Variants in KATNIP observed in about 807,000 individuals in gnomAD.
KATNIP encodes the protein katanin interacting protein.
Under a neutral mutation model 174.0 loss-of-function variants are expected in KATNIP, and 126 were observed. The observed-to-expected ratio is 0.72, with a 90% CI of 0.63 to 0.84. The LOEUF (loss-of-function observed/expected upper bound fraction) is 0.84, where lower values mean the gene tolerates loss of function less well. Ranked by LOEUF, KATNIP falls within the 40% of genes least tolerant of loss-of-function variation. The probability of loss-of-function intolerance (pLI) is 0.00; values close to 1 mark genes in which losing one functional copy is unlikely to be tolerated. For synonymous variants in KATNIP, 810 were observed against 835.7 expected, an observed-to-expected ratio of 0.97 and a Z score of 0.53; for missense variants, 1,958 against 2,109.7, an observed-to-expected ratio of 0.93 and a Z score of 1.41.
intron 1 of KATNIP, among the ~76,000 whole-genome samples, chr16:27,563,003 T>C (rs2089950178): frequency 6.6e-6 from 1 of 152,186 alleles, no homozygotes; most frequent in Non-Finnish European, 1.5e-5. Context: ...AGAAATTCGG[T>C]CATTTACTCG....
In KATNIP at chr16:27,704,138, GCA is replaced by G; in HGVS notation, c.1389+145_1389+146del. The G allele has an allele frequency of 6.0e-6, 4 of 662,158 alleles. No homozygotes were observed. The South Asian group carries it at 7.3e-5, about 12-fold the overall frequency. 41.0% of individuals were successfully genotyped at this position (662,158 alleles called of 1,614,324 possible). A position where few individuals can be genotyped will look rare whatever the true frequency, so the allele number is the denominator to read the frequency against. On this transcript the variant is annotated intron_variant, in intron 12 of 27. Coordinates refer to ENST00000261588, the MANE Select transcript of KATNIP (RefSeq NM_015202.5). ...GTTTCCACCGCCCCCCCCCTCCCTG[GCA>G]CACAGAGGTATATATGATGAAGAGC...
intron 5 of KATNIP, among the ~76,000 whole-genome samples, chr16:27,640,385 G>C (rs1048017654): frequency 6.6e-6 from 1 of 152,180 alleles, no homozygotes; most frequent in East Asian, 1.9e-4. Context: ...AGCCATGCAC[G>C]GCCTGGGGGG....
At chr16:27,679,016 T>C (rs2078227299) in intron 7 of KATNIP, 1 of 152,234 alleles carries the variant, frequency 6.6e-6, no homozygotes, top group Non-Finnish European at 1.5e-5. Context: ...CTGTATCCTA[T>C]TCATGTGCAC....
In KATNIP at chr16:27,778,846, TG is replaced by T; in HGVS notation, c.*220del. ...AGGGCAAAGAGATCCCCTGCAGTTC[TG>T]GGTTGGCCACAGGGAGCCCAGGACA... On this transcript the variant is annotated 3_prime_UTR_variant, in exon 28 of 28. Coordinates refer to ENST00000261588, the MANE Select transcript of KATNIP (RefSeq NM_015202.5). The T allele has an allele frequency of 2.0e-6, 1 of 497,168 alleles. No individual in the cohort carries two copies. Among genetic ancestry groups the T allele is most frequent in the Non-Finnish European group, 3.5e-6 (1 of 284,078 alleles). The allele number at this position is 497,168 out of a possible 1,614,324, so 30.8% of individuals were successfully genotyped here.
At chr16:27,552,019 A>C (rs982707466) in intron 1 of KATNIP, among the ~76,000 whole-genome samples, 3 of 152,222 alleles carry the variant, frequency 2.0e-5, no homozygotes, top group African/African-American at 7.2e-5. Context: ...CCTGGGCAAC[A>C]TAGCTAGACC....
intron 2 of KATNIP, among the ~76,000 whole-genome samples, chr16:27,608,201 T>C (rs1461344964): frequency 1.3e-5 from 2 of 151,784 alleles, no homozygotes; most frequent in Non-Finnish European, 2.9e-5. Context: ...TAGAGAAAAT[T>C]AATAACATGG....
chr16:27,551,983 G>A (rs991303288), intron 1 of KATNIP, among the ~76,000 whole-genome samples: 3 of 151,008 alleles, frequency 2.0e-5, no homozygotes, highest in African/African-American at 7.3e-5. Flanking sequence ...TGGGTGGATT[G>A]CTTGAGCTCA....
intron 23 of KATNIP, 50 bp downstream of exon 23, chr16:27,773,259 G>A: frequency 7.7e-7 from 1 of 1,290,336 alleles, no homozygotes; most frequent in Non-Finnish European, 1.1e-6. Context: ...AAGGGAGCAT[G>A]GGAGGGTCGG....
intron 8 of KATNIP, among the ~76,000 whole-genome samples, chr16:27,690,370 TAGATA>T (rs2078687458): frequency 7.6e-6 from 1 of 130,776 alleles, no homozygotes. Context: ...AGATGATAGA[TAGATA>T]GATAGATAGA....
At chr16:27,641,448 A>G (rs573458819) in intron 5 of KATNIP, among the ~76,000 whole-genome samples, 15 of 152,168 alleles carry the variant, frequency 9.9e-5, no homozygotes, top group African/African-American at 3.4e-4. Flanking sequence ...GGACAGGGGA[A>G]TCGCATGCTC....
At chr16:27,578,254 A>G (rs2090570695) in intron 2 of KATNIP, among the ~76,000 whole-genome samples, 1 of 151,782 alleles carries the variant, frequency 6.6e-6, no homozygotes, top group Non-Finnish European at 1.5e-5. Flanking sequence ...AATCTCTTGA[A>G]CCCAGGAGGT....
chr16:27,655,173 A>AATGG (rs1319874289), intron 6 of KATNIP, among the ~76,000 whole-genome samples: 2 of 83,744 alleles, frequency 2.4e-5, no homozygotes, highest in African/African-American at 8.8e-5. Flanking sequence ...TACCCCCTAG[A>AATGG]ATGGATATAT....
intron 1 of KATNIP, among the ~76,000 whole-genome samples, chr16:27,562,041 C>T (rs899010968): frequency 2.0e-5 from 3 of 152,240 alleles, no homozygotes; most frequent in Admixed American, 1.3e-4. Flanking sequence ...GGCAGTGGCT[C>T]ATGCCTGTAA....
intron 18 of KATNIP, among the ~76,000 whole-genome samples, chr16:27,758,288 C>A (rs2081811852): frequency 6.6e-6 from 1 of 152,164 alleles, no homozygotes; most frequent in Admixed American, 6.5e-5. Context: ...CCTCTGTCAC[C>A]TAGGTCAAAA....
intron 3 of KATNIP, among the ~76,000 whole-genome samples, chr16:27,627,916 G>A (rs1457874687): frequency 6.6e-6 from 1 of 152,188 alleles, no homozygotes; most frequent in Non-Finnish European, 1.5e-5. Context: ...ATATGGCAGT[G>A]TGACATCAGG....
chr16:27,734,049 A>G (rs1312562793), intron 14 of KATNIP, among the ~76,000 whole-genome samples: 1 of 151,968 alleles, frequency 6.6e-6, no homozygotes, highest in African/African-American at 2.4e-5. Flanking sequence ...GGGGTAGGAG[A>G]CAGTTAGTCT....
At chr16:27,594,968 G>A (rs1312864528) in intron 2 of KATNIP, among the ~76,000 whole-genome samples, 1 of 152,204 alleles carries the variant, frequency 6.6e-6, no homozygotes, top group Non-Finnish European at 1.5e-5. Flanking sequence ...GGAGTCCAGA[G>A]GAGGAAGTCT....
intron 1 of KATNIP, among the ~76,000 whole-genome samples, chr16:27,567,129 C>T (rs2090122162): frequency 1.3e-5 from 2 of 152,198 alleles, no homozygotes; most frequent in Non-Finnish European, 2.9e-5. Context: ...CTCTTTCCAG[C>T]AAGATTTGGG....
At chr16:27,688,089 AG>A (rs2078589939) in intron 8 of KATNIP, among the ~76,000 whole-genome samples, 1 of 152,152 alleles carries the variant, frequency 6.6e-6, no homozygotes, top group Admixed American at 6.5e-5. Flanking sequence ...TCTCTAGCCC[AG>A]TGGTTCTCAA....
Sources: allele counts gnomAD v4.1 joint callset (sites outside exome capture counted in the v4.1 genomes callset), GRCh38; gene constraint gnomAD v4.1.1; transcripts MANE v1.5; gene names NCBI Gene and HGNC (gene_info 2026-07-23, HGNC 2026-07-21).